ANKRD13C: variants seen among roughly 807,000 people sequenced by gnomAD.
ANKRD13C encodes the protein ankyrin repeat domain-containing protein 13C.
A neutral mutation model predicts 65.5 loss-of-function variants in ANKRD13C; 16 were observed. The observed-to-expected ratio is 0.24, with a 90% CI of 0.17 to 0.37. The LOEUF is 0.37. Ranked by LOEUF, ANKRD13C falls within the 10% of genes least tolerant of loss-of-function variation. The pLI is 1.00. For missense variants in ANKRD13C, 503 were observed against 655.9 expected, an observed-to-expected ratio of 0.77 and a Z score of 2.55; for synonymous variants, 235 against 238.7, an observed-to-expected ratio of 0.98 and a Z score of 0.14.
chr1:70,341,430 C>T (rs1682306134), intron 1 of ANKRD13C, among the ~76,000 whole-genome samples: 2 of 143,504 alleles, frequency 1.4e-5, no homozygotes, highest in South Asian at 4.5e-4. Flanking sequence ...AGTACAATCT[C>T]GGCTCACTGC....
At chr1:70,335,449 T>C (rs1413755389) in intron 2 of ANKRD13C, among the ~76,000 whole-genome samples, 1 of 150,062 alleles carries the variant, frequency 6.7e-6, no homozygotes, top group African/African-American at 2.4e-5. Flanking sequence ...ACATTTAAAA[T>C]ATAAAAATCT....
Position 70,322,849 on chromosome 1 carries a change from G to A in ANKRD13C, c.577+2004C>T, listed in dbSNP as rs116062646. Among the ~76,000 whole-genome samples the A allele has an allele frequency of 6.6e-3, 1,009 of 152,186 alleles. 10 individuals carry two copies. Among genetic ancestry groups the A allele is most frequent in the African/African-American group, 0.023 (952 of 41,526 alleles). ...CTATACTAAAACTACAAGATTAGCC[G>A]GGCATGGTGATGTATGCCTGTAATC... is the stretch of plus-strand genomic sequence containing the variant. On this transcript the variant is annotated intron_variant, in intron 3 of 12. Transcript: ENST00000370944.
chr1:70,279,352 A>G (rs1679282540), intron 9 of ANKRD13C, among the ~76,000 whole-genome samples: 1 of 152,152 alleles, frequency 6.6e-6, no homozygotes, highest in Non-Finnish European at 1.5e-5. Context: ...CAGTGACAGC[A>G]CCAGAGGAAT....
chr1:70,316,520 T>TAA (rs368495292), intron 3 of ANKRD13C, among the ~76,000 whole-genome samples: 109 of 137,648 alleles, frequency 7.9e-4, no homozygotes, highest in African/African-American at 2.2e-3. Context: ...CCATCTCTAT[T>TAA]AAAAAAAAAA....
At chr1:70,272,975 G>A (rs907724420) in intron 11 of ANKRD13C, among the ~76,000 whole-genome samples, 13 of 149,620 alleles carry the variant, frequency 8.7e-5, no homozygotes, top group African/African-American at 3.0e-4. Flanking sequence ...GCAACAGAGT[G>A]AGACTCTGTC....
In ANKRD13C at chr1:70,328,745, T is replaced by C. The variant is rs1309733292; in HGVS notation, c.473-3788A>G. On this transcript the variant is annotated intron_variant, in intron 2 of 12. Transcript: ENST00000370944. ...ATGCACAAGTATTTCTATATAATAA[T>C]AAGCATAGAGAAATGTATGTAAGAA... Among the ~76,000 whole-genome samples, 3 of 152,106 alleles carry C rather than the reference T, an allele frequency of 2.0e-5. No homozygotes were observed. In the East Asian group the frequency reaches 5.8e-4, roughly 29 times the overall value.
rs1239042680 is a variant in ANKRD13C at position 70,274,824 on chromosome 1, ATGGGAGG to A, written c.1296-13_1296-7del. On this transcript the variant is annotated splice_polypyrimidine_tract_variant and splice_region_variant and intron_variant, in intron 10 of 12. Coordinates refer to ENST00000370944, the MANE Select transcript of ANKRD13C (RefSeq NM_030816.5). ...CTCTACCCAGATGAGGAGCTCTAAA[ATGGGAGG>A]AAAAAAAATGTTAGGAAACTTTTTC... 2 of 1,595,692 alleles carry A rather than the reference ATGGGAGG, an allele frequency of 1.3e-6. No individual in the cohort carries two copies. The highest frequency in any genetic ancestry group is 1.7e-5 in the Admixed American group (1 of 59,816).
chr1:70,277,724 A>G (rs1679203431), intron 9 of ANKRD13C, among the ~76,000 whole-genome samples: 1 of 152,188 alleles, frequency 6.6e-6, no homozygotes, highest in African/African-American at 2.4e-5. Context: ...AAACACAAGA[A>G]GACTGATTTA....
intron 1 of ANKRD13C, among the ~76,000 whole-genome samples, chr1:70,348,433 T>C (rs774852092): frequency 6.6e-6 from 1 of 152,026 alleles, no homozygotes; most frequent in Non-Finnish European, 1.5e-5. Context: ...GCCCGGCTAA[T>C]GTTTTGTATT....
Position 70,270,843 on chromosome 1 carries a change from T to C in ANKRD13C, c.1495+13A>G. The C allele has an allele frequency of 6.5e-7, 1 of 1,548,222 alleles. No homozygotes were observed. The highest frequency in any genetic ancestry group is 8.9e-7 in the Non-Finnish European group (1 of 1,127,328). On this transcript the variant is annotated intron_variant, in intron 12 of 12. Coordinates refer to ENST00000370944, the MANE Select transcript of ANKRD13C (RefSeq NM_030816.5). The stretch of plus-strand genomic sequence containing the variant: ...TAATGGACACTAAAATTATATCTAA[T>C]TTTTTCTCTTACCTAATTTTACAGG...
chr1:70,329,426 C>A (rs970757479), intron 2 of ANKRD13C, among the ~76,000 whole-genome samples: 100 of 151,814 alleles, frequency 6.6e-4, no homozygotes, highest in African/African-American at 2.4e-3. Context: ...GAGGCTGAGG[C>A]AGGAGAATCA....
intron 12 of ANKRD13C, 96 bp from the exon 13 acceptor site, chr1:70,262,943 TAAAA>T (rs34241203): frequency 3.5e-4 from 161 of 460,264 alleles, no homozygotes; most frequent in South Asian, 4.8e-4. Flanking sequence ...CCTTAAAATG[TAAAA>T]AAAAAAAAAA....
intron 9 of ANKRD13C, among the ~76,000 whole-genome samples, chr1:70,285,037 G>C (rs1176390225): frequency 1.3e-5 from 2 of 151,976 alleles, no homozygotes; most frequent in African/African-American, 4.8e-5. Context: ...CCACACAACT[G>C]TCATTAATTA....
intron 1 of ANKRD13C, among the ~76,000 whole-genome samples, chr1:70,347,395 A>C (rs1401183544): frequency 6.6e-6 from 1 of 152,166 alleles, no homozygotes; most frequent in Non-Finnish European, 1.5e-5. Context: ...GATTTCTATG[A>C]CTTAAGAATG....
intron 5 of ANKRD13C, among the ~76,000 whole-genome samples, chr1:70,308,262 C>T (rs1680672077): frequency 6.6e-6 from 1 of 151,986 alleles, no homozygotes; most frequent in Non-Finnish European, 1.5e-5. Flanking sequence ...TCCCAAAGTG[C>T]TAGAATTACA....
intron 8 of ANKRD13C, chr1:70,293,631 G>C (rs377156661): frequency 1.2e-6 from 1 of 860,250 alleles, no homozygotes; most frequent in Non-Finnish European, 1.4e-6. Flanking sequence ...CTGCCCAGAA[G>C]AACAAAGTAC....
rs1424392829 is a variant in ANKRD13C, at chr1:70,292,540, C to A, written c.1063G>T (p.Gly355Ter). Residue 355 changes from glycine to a stop codon, truncating the protein, a stop_gained, in exon 9 of 13, where the codon GGA (glycine) becomes TGA (stop). Transcript: ENST00000370944. LOFTEE classifies it high-confidence loss of function. ...LFREDKTERVGNFLADFYLVN... is the reference protein window; with the variant it reads ...LFREDKTERV ...AGGTAAAAGTCTGCCAAAAAGTTTC[C>A]TACTCTTTCCTAAAACAAAACCAAA... 1 of 1,589,118 alleles carries A rather than the reference C, an allele frequency of 6.3e-7. No homozygotes were observed. The highest frequency in any genetic ancestry group is 1.4e-5 in the African/African-American group (1 of 73,184).
At chr1:70,264,475 CAAA>C (rs57312096) in intron 12 of ANKRD13C, among the ~76,000 whole-genome samples, 559 of 48,910 alleles carry the variant, frequency 0.011, 4 homozygotes, top group African/African-American at 0.035. Context: ...GACTCTATCT[CAAA>C]AAAAAAAAAA....
intron 1 of ANKRD13C, among the ~76,000 whole-genome samples, chr1:70,342,876 T>C (rs1284464669): frequency 2.6e-5 from 4 of 152,180 alleles, no homozygotes; most frequent in African/African-American, 9.6e-5. Context: ...TTCTAAAGCA[T>C]GTGAATGTTA....
Sources: allele counts gnomAD v4.1 joint callset (sites outside exome capture counted in the v4.1 genomes callset), GRCh38; gene constraint gnomAD v4.1.1; transcripts MANE v1.5; gene names NCBI Gene and HGNC (gene_info 2026-07-23, HGNC 2026-07-21).